The following PON1 variants were observed in gnomAD, a reference collection of about 807,000 sequenced individuals.
PON1 encodes serum paraoxonase/arylesterase 1.
In PON1, 37 loss-of-function variants were observed where a neutral mutation model predicts 39.2. That is an observed-to-expected ratio of 0.94 (90% confidence interval 0.73 to 1.24). The LOEUF (loss-of-function observed/expected upper bound fraction) is 1.24, where lower values mean the gene tolerates loss of function less well. Among genes scored for constraint, PON1 ranks in the 50% most tolerant of loss-of-function variants. The pLI, the probability that PON1 is intolerant of heterozygous loss-of-function variation, is 0.00. For missense variants in PON1, 397 were observed against 413.5 expected, an observed-to-expected ratio of 0.96 and a Z score of 0.35; for synonymous variants, 148 against 152.2, an observed-to-expected ratio of 0.97 and a Z score of 0.21.
intron 7 of PON1, among the ~76,000 whole-genome samples, chr7:95,303,496 C>T (rs1478754990): frequency 6.6e-6 from 1 of 152,124 alleles, no homozygotes; most frequent in African/African-American, 2.4e-5. Context: ...TGGTGAATTC[C>T]ACGGCAGATG....
At chr7:95,317,300 G>A (rs968609400) in intron 2 of PON1, among the ~76,000 whole-genome samples, 8 of 151,704 alleles carry the variant, frequency 5.3e-5, no homozygotes, top group Admixed American at 1.3e-4. Context: ...TATAAACATC[G>A]GTTAAATATT....
At chr7:95,306,674 C>T (rs925397533) in intron 6 of PON1, among the ~76,000 whole-genome samples, 1 of 152,140 alleles carries the variant, frequency 6.6e-6, no homozygotes, top group Non-Finnish European at 1.5e-5. Context: ...TTTGGTTTGA[C>T]AATTTAGTGT....
intron 4 of PON1, among the ~76,000 whole-genome samples, chr7:95,314,426 A>G (rs1390582298): frequency 6.6e-6 from 1 of 151,756 alleles, no homozygotes; most frequent in Non-Finnish European, 1.5e-5. Context: ...AAGGAAGGAG[A>G]GGGAGGAAGG....
rs1479191568 is a variant in PON1, at chr7:95,315,306, T to C, written c.370+16A>G. 5 of 1,604,670 alleles carry C rather than the reference T, an allele frequency of 3.1e-6. No homozygotes were observed. Among genetic ancestry groups the C allele is most frequent in the East Asian group, 2.2e-5 (1 of 44,840 alleles). On this transcript the variant is annotated intron_variant, in intron 4 of 8. Transcript: ENST00000222381. The stretch of plus-strand genomic sequence containing the variant: ...TAAGTTTGGTTTTGGTTTTAATAAA[T>C]AGTAAATATTGTTACCTTCATCTGT...
Position 95,305,566 on chromosome 7 carries a change from C to T in PON1, c.780+719G>A, listed in dbSNP as rs550450214. On this transcript the variant is annotated intron_variant, in intron 7 of 8. Coordinates refer to ENST00000222381, the MANE Select transcript of PON1 (RefSeq NM_000446.7). ...TAAAATATATAGTATGTTAGCAATA[C>T]GTGCTGAATGGAAAAATAAAGCAGG... Among the ~76,000 whole-genome samples, 85 of 152,156 alleles carry T rather than the reference C, an allele frequency of 5.6e-4. 2 individuals carry two copies. In the South Asian group the frequency reaches 0.016, roughly 29 times the overall value.
chr7:95,314,831 G>A (rs1807730408), intron 4 of PON1, among the ~76,000 whole-genome samples: 1 of 151,948 alleles, frequency 6.6e-6, no homozygotes, highest in African/African-American at 2.4e-5. Context: ...ATGTTGAAAG[G>A]GACCAACATG....
At chr7:95,317,483 C>A (rs62467349) in intron 2 of PON1, among the ~76,000 whole-genome samples, 1 of 146,122 alleles carries the variant, frequency 6.8e-6, no homozygotes, top group African/African-American at 2.6e-5. Context: ...ACAATCGCAC[C>A]ATAAGATATC....
At chr7:95,308,327 C>T (rs570987833) in intron 5 of PON1, 116 bp from the exon 6 acceptor site, 18 of 915,592 alleles carry the variant, frequency 2.0e-5, no homozygotes, top group African/African-American at 3.3e-5. Flanking sequence ...ATGGAGCCTT[C>T]GTGCTAGCTA....
At chr7:95,307,226 A>G (rs1284773278) in intron 6 of PON1, among the ~76,000 whole-genome samples, 1 of 151,608 alleles carries the variant, frequency 6.6e-6, no homozygotes, top group East Asian at 1.9e-4. Flanking sequence ...CGCCTGGCTA[A>G]TTTTTGTATT....
chr7:95,311,756 C>T (rs905984709), intron 4 of PON1, among the ~76,000 whole-genome samples, 179 bp from the exon 5 acceptor site: 6 of 152,136 alleles, frequency 3.9e-5, no homozygotes, highest in African/African-American at 1.4e-4. Flanking sequence ...ACAAAAGTGG[C>T]TCAAGGAAGA....
intron 1 of PON1, among the ~76,000 whole-genome samples, chr7:95,320,036 C>A (rs1322252994): frequency 1.3e-5 from 2 of 152,134 alleles, no homozygotes; most frequent in Non-Finnish European, 2.9e-5. Context: ...TTGTAGCATG[C>A]CCTCAAGGAA....
At chr7:95,300,295 C>T (rs2116294662) in intron 8 of PON1, among the ~76,000 whole-genome samples, 1 of 152,336 alleles carries the variant, frequency 6.6e-6, no homozygotes, top group Admixed American at 6.5e-5. Flanking sequence ...TGTTTCTCAT[C>T]TGTAGAATGA....
At chr7:95,304,327 C>CTTTTTTTT (rs34709624) in intron 7 of PON1, among the ~76,000 whole-genome samples, 2 of 109,512 alleles carry the variant, frequency 1.8e-5, no homozygotes, top group African/African-American at 4.0e-5. Flanking sequence ...AACTTCATTC[C>CTTTTTTTT]TTTTTTTTTT....
At chr7:95,321,392 C>T (rs1465907418) in intron 1 of PON1, among the ~76,000 whole-genome samples, 4 of 152,178 alleles carry the variant, frequency 2.6e-5, no homozygotes, top group African/African-American at 7.2e-5. Flanking sequence ...AAATCCGTAT[C>T]GATTCTCAAA....
chr7:95,309,754 T>C (rs1193363600), intron 5 of PON1, among the ~76,000 whole-genome samples: 1 of 152,194 alleles, frequency 6.6e-6, no homozygotes, highest in Non-Finnish European at 1.5e-5. Context: ...CTTCACACCA[T>C]GCCTGGCATA....
At chr7:95,322,308 TTATATAA>T (rs1173152236) in intron 1 of PON1, among the ~76,000 whole-genome samples, 13 of 135,690 alleles carry the variant, frequency 9.6e-5, no homozygotes, top group Non-Finnish European at 1.7e-4. Context: ...TTTATATGTT[TTATATAA>T]ATATAAATAT....
At chr7:95,312,666 G>A (rs761828090) in intron 4 of PON1, among the ~76,000 whole-genome samples, 3 of 152,254 alleles carry the variant, frequency 2.0e-5, no homozygotes, top group Non-Finnish European at 4.4e-5. Context: ...TCTAGGGAAA[G>A]AGCATTCCAG....
At chr7:95,305,413 A>G (rs1807518116) in intron 7 of PON1, among the ~76,000 whole-genome samples, 1 of 152,182 alleles carries the variant, frequency 6.6e-6, no homozygotes, top group South Asian at 2.1e-4. Context: ...GCCCCACCGC[A>G]GTAATTTAAC....
chr7:95,305,717 C>T (rs930132431), intron 7 of PON1, among the ~76,000 whole-genome samples: 1 of 152,008 alleles, frequency 6.6e-6, no homozygotes, highest in Non-Finnish European at 1.5e-5. Flanking sequence ...GGTTTCTCCT[C>T]CTAGCAGAGG....
Sources: allele counts gnomAD v4.1 joint callset (sites outside exome capture counted in the v4.1 genomes callset), GRCh38; gene constraint gnomAD v4.1.1; transcripts MANE v1.5; gene names NCBI Gene and HGNC (gene_info 2026-07-23, HGNC 2026-07-21).